CNTNAP3: variants seen among roughly 807,000 people sequenced by gnomAD.
CNTNAP3 encodes the protein contactin-associated protein-like 3.
CNTNAP3 carries 36 observed loss-of-function variants against 92.1 expected under a neutral mutation model. That is an observed-to-expected ratio of 0.39 (90% CI 0.30 to 0.52). The LOEUF is 0.52. CNTNAP3 is among the 20% of genes least tolerant of loss of function. The pLI, the probability that CNTNAP3 is intolerant of heterozygous loss-of-function variation, is 0.76. For synonymous variants in CNTNAP3, 232 were observed against 422.3 expected (o/e 0.55, Z 5.53); for missense variants, 534 against 1,069.6 (o/e 0.50, Z 6.98).
At chr9:39,147,048 G>A (rs144348339) in intron 10 of CNTNAP3, among the ~76,000 whole-genome samples, 13,985 of 152,104 alleles carry the variant, frequency 0.092, 705 homozygotes, top group African/African-American at 0.13. Flanking sequence ...TAAGTCTCAC[G>A]AGAGCTGATG....
chr9:39,126,202 A>G (rs1431913646), intron 13 of CNTNAP3, among the ~76,000 whole-genome samples: 1 of 152,194 alleles, frequency 6.6e-6, no homozygotes, highest in African/African-American at 2.4e-5. Flanking sequence ...GAGAGCTGAA[A>G]TATCCTCAAA....
intron 18 of CNTNAP3, among the ~76,000 whole-genome samples, chr9:39,099,037 C>T (rs1226182936): frequency 2.0e-5 from 3 of 150,860 alleles, no homozygotes; most frequent in Non-Finnish European, 2.9e-5. Context: ...TGCAGTGGTG[C>T]GATCTCTACT....
rs541922505 is a variant in CNTNAP3 at position 39,129,523 on chromosome 9, C to T, written c.2080+3409G>A. ...AAAAGTAAAAGGTAAAACTAGAAAA[C>T]TTTTAGGAAAAAAATTCAAAAATCT... is the stretch of plus-strand genomic sequence containing the variant. On this transcript the variant is annotated intron_variant, in intron 13 of 23. Transcript: ENST00000297668. Among the ~76,000 whole-genome samples the T allele has an allele frequency of 2.6e-5, 4 of 152,196 alleles. No individual in the cohort carries two copies. The South Asian group carries it at 8.3e-4, about 32-fold the overall frequency.
intron 13 of CNTNAP3, among the ~76,000 whole-genome samples, chr9:39,129,683 C>T (rs1204412806): frequency 1.3e-5 from 2 of 151,936 alleles, no homozygotes; most frequent in South Asian, 2.1e-4. Context: ...AGTTAAGAGT[C>T]GATGAATAGG....
At chr9:39,083,030 G>A (rs1176568576) in intron 21 of CNTNAP3, among the ~76,000 whole-genome samples, 1 of 150,080 alleles carries the variant, frequency 6.7e-6, no homozygotes, top group Non-Finnish European at 1.5e-5. Flanking sequence ...TAGCACAGAA[G>A]TAATATAAAA....
In CNTNAP3 at chr9:39,070,201, T is replaced by C. The variant is rs1825609850; in HGVS notation, c.*3689A>G. Reference sequence around the variant, plus strand: ...AAGAAAAAAGCCATCAAAATCAATTTTCCATCTGCACTCTTTTATTTGTTG... The same window carrying C: ...AAGAAAAAAGCCATCAAAATCAATTCTCCATCTGCACTCTTTTATTTGTTG... On this transcript the variant is annotated 3_prime_UTR_variant, in exon 24 of 24. Transcript: ENST00000297668. 1.7e-5 allele frequency among the ~76,000 whole-genome samples: 2 copies of C among 120,116 alleles called. No homozygotes were observed. The highest frequency in any genetic ancestry group is 3.3e-5 in the Non-Finnish European group (2 of 60,146). 78.8% of individuals were successfully genotyped at this position (120,116 alleles called of 152,430 possible). A position where few individuals can be genotyped will look rare whatever the true frequency, so the allele number is the denominator to read the frequency against.
intron 13 of CNTNAP3, among the ~76,000 whole-genome samples, chr9:39,131,677 T>G (rs1306235773): frequency 6.6e-6 from 1 of 152,186 alleles, no homozygotes; most frequent in African/African-American, 2.4e-5. Context: ...AATACAAAAA[T>G]TAGCCGGGCA....
At position 39,068,942 on chromosome 9, in the gene CNTNAP3, A is replaced by G; in HGVS notation, c.*4948T>C. Among the ~76,000 whole-genome samples, 1 of 152,308 alleles carries G rather than the reference A, an allele frequency of 6.6e-6. No homozygotes were observed. The highest frequency in any genetic ancestry group is 2.4e-5 in the African/African-American group (1 of 41,486). On this transcript the variant is annotated 3_prime_UTR_variant, in exon 24 of 24. Coordinates refer to ENST00000297668, the MANE Select transcript of CNTNAP3 (RefSeq NM_033655.5). ...GTTTCATGCAGGAGGGTTAGAGGGT[A>G]AATATGCTCCCTATTACTCCATCTT...
chr9:39,122,479 G>T (rs569761569), intron 13 of CNTNAP3, among the ~76,000 whole-genome samples: 196 of 152,234 alleles, frequency 1.3e-3, no homozygotes, highest in African/African-American at 4.5e-3. Context: ...AAAAATGAAA[G>T]AGCTGTCAAT....
At chr9:39,080,811 A>G (rs1825915307) in intron 21 of CNTNAP3, among the ~76,000 whole-genome samples, 1 of 137,876 alleles carries the variant, frequency 7.3e-6, no homozygotes, top group Admixed American at 7.1e-5. Flanking sequence ...ACAGGCATGC[A>G]CCACCACACC....
At chr9:39,118,329 T>G in intron 13 of CNTNAP3, 70 bp from the exon 14 acceptor site, 1 of 1,599,602 alleles carries the variant, frequency 6.3e-7, no homozygotes, top group South Asian at 1.1e-5. Flanking sequence ...TATAGCTCCC[T>G]TTACTCCCAG....
At chr9:39,104,887 T>C (rs141630477) in intron 15 of CNTNAP3, among the ~76,000 whole-genome samples, 9 of 152,118 alleles carry the variant, frequency 5.9e-5, no homozygotes, top group African/African-American at 2.2e-4. Context: ...TTTCAACTGC[T>C]TTGTAAAGTG....
intron 17 of CNTNAP3, among the ~76,000 whole-genome samples, chr9:39,102,131 A>G (rs539296368): frequency 2.3e-4 from 35 of 152,362 alleles, no homozygotes; most frequent in Non-Finnish European, 4.3e-4. Flanking sequence ...TACAAAAATT[A>G]GCCAGGCGTG....
At chr9:39,103,939 A>T (rs1293396140) in intron 15 of CNTNAP3, 25 bp from the exon 16 acceptor site, 1 of 1,536,978 alleles carries the variant, frequency 6.5e-7, no homozygotes, top group Non-Finnish European at 8.7e-7. Context: ...GAAAACGACA[A>T]AAGGAAAAAA....
At chr9:39,098,979 T>C (rs1826389503) in intron 18 of CNTNAP3, among the ~76,000 whole-genome samples, 1 of 151,682 alleles carries the variant, frequency 6.6e-6, no homozygotes, top group Non-Finnish European at 1.5e-5. Context: ...CTTTTCTTTT[T>C]TTTTTTTTTC....
chr9:39,079,674 TTC>T lies in CNTNAP3; in HGVS notation c.3443-756_3443-755del, dbSNP rs527639642. Among the ~76,000 whole-genome samples, 5 of 100,338 alleles carry T rather than the reference TTC, an allele frequency of 5.0e-5. 1 individual carries two copies. In the South Asian group the frequency reaches 1.8e-3, roughly 35 times the overall value. 65.8% of individuals were successfully genotyped at this position (100,338 alleles called of 152,430 possible). A position where few individuals can be genotyped will look rare whatever the true frequency, so the allele number is the denominator to read the frequency against. On this transcript the variant is annotated intron_variant, in intron 21 of 23. Coordinates refer to ENST00000297668, the MANE Select transcript of CNTNAP3 (RefSeq NM_033655.5). ...TCTTACACTATTTATTTCACATTATTTCTTTTTTTCCTTTTATTTTGCTGGTT... is the reference window on the plus strand; with the variant it reads ...TCTTACACTATTTATTTCACATTATTTTTTTTTCCTTTTATTTTGCTGGTT...
chr9:39,132,886 C>T (rs539810470), intron 13 of CNTNAP3, 46 bp downstream of exon 13: 2 of 1,501,834 alleles, frequency 1.3e-6, no homozygotes, highest in South Asian at 2.5e-5. Context: ...CCGAGGGCCG[C>T]GCCCCGGCCC....
chr9:39,145,791 C>T (rs1480981977), intron 10 of CNTNAP3, among the ~76,000 whole-genome samples: 1 of 140,182 alleles, frequency 7.1e-6, no homozygotes, highest in African/African-American at 2.6e-5. Context: ...CATGGAAAAG[C>T]CTGTGTGAAC....
intron 13 of CNTNAP3, among the ~76,000 whole-genome samples, chr9:39,131,824 A>G (rs1180006593): frequency 6.6e-6 from 1 of 151,068 alleles, no homozygotes; most frequent in Non-Finnish European, 1.5e-5. Context: ...AGGCCAATCC[A>G]GGCAGAGGAA....
Sources: allele counts gnomAD v4.1 joint callset (sites outside exome capture counted in the v4.1 genomes callset), GRCh38; gene constraint gnomAD v4.1.1; transcripts MANE v1.5; gene names NCBI Gene and HGNC (gene_info 2026-07-23, HGNC 2026-07-21).